Variants in LAMA3 observed in about 807,000 individuals in gnomAD.
LAMA3 encodes laminin subunit alpha-3.
A neutral mutation model predicts 402.0 loss-of-function variants in LAMA3; 281 were observed. The observed-to-expected ratio is 0.70, with a 90% confidence interval of 0.63 to 0.77. The LOEUF (loss-of-function observed/expected upper bound fraction) is 0.77. LAMA3 is among the 30% of genes least tolerant of loss of function. LAMA3 has a pLI of 0.00. For missense variants in LAMA3, 3,840 were observed against 4,215.5 expected (o/e 0.91, Z 2.47); for synonymous variants, 1,431 against 1,558.4 (o/e 0.92, Z 1.93).
chr18:23,846,459 G>T lies in LAMA3; in HGVS notation c.3882G>T (p.Arg1294=), dbSNP rs1184680839. The change falls in exon 31 of 75, where the codon CGG becomes CGT. Residue 1294 remains arginine, a synonymous_variant. Transcript: ENST00000313654. ...CATGCCAGCCCAACGTCATCGGGCG[G>T]CAGTGCACCCGCTGTGCAACAGGCC... ...QCPCQPNVIG[R]QCTRCATGHY... The T allele has an allele frequency of 6.2e-7, 1 of 1,613,098 alleles. No homozygotes were observed.
intron 2 of LAMA3, among the ~76,000 whole-genome samples, chr18:23,724,051 TC>T (rs1211144588): frequency 3.9e-5 from 6 of 152,074 alleles, no homozygotes; most frequent in Non-Finnish European, 1.5e-5. Flanking sequence ...TTAACCCAAG[TC>T]CCCAAAGTCC....
intron 43 of LAMA3, 55 bp from the exon 44 acceptor site, chr18:23,894,852 C>T (rs376296513): frequency 2.7e-4 from 438 of 1,611,550 alleles, no homozygotes; most frequent in East Asian, 2.5e-3. Context: ...GTGGTCTTTT[C>T]GCAGTCCCAC....
At chr18:23,948,059 T>G (rs965234564) in intron 70 of LAMA3, among the ~76,000 whole-genome samples, 13 of 152,194 alleles carry the variant, frequency 8.5e-5, no homozygotes, top group East Asian at 1.9e-4. Flanking sequence ...TGATCTGCCC[T>G]CCTCGGCCTC....
intron 12 of LAMA3, among the ~76,000 whole-genome samples, chr18:23,801,639 C>T (rs554457339): frequency 1.3e-5 from 2 of 152,228 alleles, no homozygotes; most frequent in East Asian, 1.9e-4. Flanking sequence ...CCATAATCGC[C>T]GTACCAATTT....
At chr18:23,749,621 G>A (rs113333611) in intron 4 of LAMA3, 75 bp downstream of exon 4, 101 of 912,020 alleles carry the variant, frequency 1.1e-4, no homozygotes, top group African/African-American at 4.7e-4. Flanking sequence ...TCATAATTGC[G>A]AAACTTGCAC....
In LAMA3 at chr18:23,861,814, A is replaced by T; in HGVS notation, c.4584+7A>T. On this transcript the variant is annotated splice_region_variant and intron_variant, in intron 35 of 74. Coordinates refer to ENST00000313654, the MANE Select transcript of LAMA3 (RefSeq NM_198129.4). Reference sequence around the variant, plus strand: ...CTCCTACCTGGGGGACAAGGTAATGATGTCCTGCTGTTCTTCTGGGCCCTC... The same window carrying T: ...CTCCTACCTGGGGGACAAGGTAATGTTGTCCTGCTGTTCTTCTGGGCCCTC... The T allele has an allele frequency of 1.7e-5, 28 of 1,610,794 alleles. No homozygotes were observed. The highest frequency in any genetic ancestry group is 2.3e-5 in the Non-Finnish European group (27 of 1,178,322).
chr18:23,935,432 C>T (rs1342540348), intron 67 of LAMA3, among the ~76,000 whole-genome samples: 3 of 152,168 alleles, frequency 2.0e-5, no homozygotes, highest in Non-Finnish European at 4.4e-5. Context: ...AAAACGTCAG[C>T]GAATACACTT....
chr18:23,704,139 A>G lies in LAMA3; in HGVS notation c.295-9781A>G, dbSNP rs1417177856. On this transcript the variant is annotated intron_variant, in intron 1 of 74. Transcript: ENST00000313654. ...GGCTGTTGATGGATGAACGTTGGTT[A>G]AATGCTTATCTTGCCGGGCTTTTTG... Among the ~76,000 whole-genome samples the G allele has an allele frequency of 2.0e-5, 3 of 152,224 alleles. No individual in the cohort carries two copies. The East Asian group carries it at 5.8e-4, about 29-fold the overall frequency.
In LAMA3 at chr18:23,943,952, A is replaced by G. The variant is rs886447778; in HGVS notation, c.9191A>G (p.Asn3064Ser). Residue 3064 changes from asparagine (N) to serine (S), a missense_variant, in exon 69 of 75, where the codon AAT becomes AGT. By Grantham distance (46) the Asn-to-Ser change is conservative. This residue lies in a region of LAMA3 where 840 missense variants were observed against 981.9 expected (regional missense o/e 0.86). Coordinates refer to ENST00000313654, the MANE Select transcript of LAMA3 (RefSeq NM_198129.4). ...AGGATCAAAAGCAAGGAGAAATGCA[A>G]TGATGGGAAATGGCACACGGTAAGA... Reference protein sequence around the residue: ...KLRIKSKEKCNDGKWHTVVFG... With the variant: ...KLRIKSKEKCSDGKWHTVVFG... 5.6e-6 allele frequency: 9 copies of G among 1,613,966 alleles called. No homozygotes were observed. Among genetic ancestry groups the G allele is most frequent in the Admixed American group, 1.7e-5 (1 of 60,000 alleles).
chr18:23,830,332 A>G (rs1255218571), intron 23 of LAMA3, among the ~76,000 whole-genome samples: 1 of 152,102 alleles, frequency 6.6e-6, no homozygotes, highest in African/African-American at 2.4e-5. Flanking sequence ...CAGCTCAGCC[A>G]CTACACCATA....
chr18:23,898,905 T>G, intron 45 of LAMA3, 49 bp from the exon 46 acceptor site: 1 of 1,583,438 alleles, frequency 6.3e-7, no homozygotes, highest in Non-Finnish European at 8.7e-7. Context: ...GTATTTTTAT[T>G]TTTCCTTATT....
chr18:23,759,159 T>C (rs2061916641), intron 7 of LAMA3, among the ~76,000 whole-genome samples: 1 of 151,184 alleles, frequency 6.6e-6, no homozygotes, highest in South Asian at 2.1e-4. Flanking sequence ...GGCAACATAG[T>C]GAGACTCTGT....
At chr18:23,840,452 G>A (rs895869556) in intron 27 of LAMA3, among the ~76,000 whole-genome samples, 6 of 142,364 alleles carry the variant, frequency 4.2e-5, no homozygotes, top group African/African-American at 1.3e-4. Context: ...GCATGATCAT[G>A]GCTTACTGCA....
intron 27 of LAMA3, among the ~76,000 whole-genome samples, chr18:23,841,936 G>T (rs2063711130): frequency 6.6e-6 from 1 of 151,984 alleles, no homozygotes; most frequent in Non-Finnish European, 1.5e-5. Flanking sequence ...AAAAAAAATG[G>T]AGTCAGACTC....
Position 23,819,920 on chromosome 18 carries a change from G to C in LAMA3, c.2227G>C (p.Asp743His), listed in dbSNP as rs748226784. 18 of 1,614,094 alleles carry C rather than the reference G, an allele frequency of 1.1e-5. No homozygotes were observed. Among genetic ancestry groups the C allele is most frequent in the Admixed American group, 1.7e-5 (1 of 60,026 alleles). ...IEDGSTPNGR[D>H]LRFGFDPLAF... ...AGACGGCAGCACACCTAATGGGAGA[G>C]ACCTTCGATTTGGATTTGATCCGCT... is the stretch of plus-strand genomic sequence containing the variant. Residue 743 changes from aspartate to histidine, a missense_variant, in exon 19 of 75, where the codon GAC becomes CAC. By Grantham distance (81) the Asp-to-His change is moderately conservative. This residue lies in a region of LAMA3 where 2,109 missense variants were observed against 2,376.0 expected (regional missense o/e 0.89). Coordinates refer to ENST00000313654, the MANE Select transcript of LAMA3 (RefSeq NM_198129.4).
Position 23,931,061 on chromosome 18 carries a change from G to C in LAMA3, c.8437-1G>C, listed in dbSNP as rs1370909821. The C allele has an allele frequency of 6.2e-7, 1 of 1,613,266 alleles. No homozygotes were observed. Among genetic ancestry groups the C allele is most frequent in the Admixed American group, 1.7e-5 (1 of 60,026 alleles). Reference sequence around the variant, plus strand: ...ATGGGTATTTTCTATGGTGATTTCAGACAAGGAACCTGCAGGTCACTCTGG... The same window carrying C: ...ATGGGTATTTTCTATGGTGATTTCACACAAGGAACCTGCAGGTCACTCTGG... On this transcript the variant is annotated splice_acceptor_variant, in intron 64 of 74. Coordinates refer to ENST00000313654, the MANE Select transcript of LAMA3 (RefSeq NM_198129.4). LOFTEE classifies it high-confidence loss of function.
At chr18:23,949,531 T>TTCGA (rs921216096) in intron 70 of LAMA3, among the ~76,000 whole-genome samples, 2 of 152,274 alleles carry the variant, frequency 1.3e-5, no homozygotes, top group African/African-American at 4.8e-5. Context: ...ACCTGCAATC[T>TTCGA]TCGACCACCC....
Position 23,882,015 on chromosome 18 carries a change from G to C in LAMA3, c.5192G>C (p.Cys1731Ser), listed in dbSNP as rs868381372. The change falls in exon 40 of 75, where the codon TGC (cysteine) becomes TCC (serine). Residue 1731 changes from cysteine to serine, a missense_variant. Around this residue, in one of 3 missense-constraint regions of LAMA3, gnomAD observed 2,109 missense variants for 2,376.0 expected, o/e 0.89. Transcript: ENST00000313654. The part of the protein sequence containing the change: ...GYYGNAVHGS[C>S]RACPCPHTNS... ...TATGGCAACGCCGTCCACGGATCCTGCAGGGCCTGCCCATGTCCTCACACT... is the reference window on the plus strand; with the variant it reads ...TATGGCAACGCCGTCCACGGATCCTCCAGGGCCTGCCCATGTCCTCACACT... The C allele has an allele frequency of 6.2e-7, 1 of 1,613,594 alleles. No individual in the cohort carries two copies. Among genetic ancestry groups the C allele is most frequent in the Non-Finnish European group, 8.5e-7 (1 of 1,179,700 alleles).
In LAMA3 at chr18:23,840,942, G is replaced by A. The variant is rs145351428; in HGVS notation, c.3336+1013G>A. Among the ~76,000 whole-genome samples, 527 of 152,224 alleles carry A rather than the reference G, an allele frequency of 3.5e-3. 3 individuals are homozygous for A. Among genetic ancestry groups the A allele is most frequent in the Non-Finnish European group, 2.9e-3 (197 of 68,010 alleles). On this transcript the variant is annotated intron_variant, in intron 27 of 74. Coordinates refer to ENST00000313654, the MANE Select transcript of LAMA3 (RefSeq NM_198129.4). ...GTTCCAGTGAGAATTTCCTTTGAACGTTATATCAGTGCTCAAAAAGTTTCA... is the reference window on the plus strand; with the variant it reads ...GTTCCAGTGAGAATTTCCTTTGAACATTATATCAGTGCTCAAAAAGTTTCA...
Sources: gnomAD v4.1 joint callset for allele counts (sites outside exome capture counted in the v4.1 genomes callset) on GRCh38, gnomAD v4.1.1 for gene constraint, gnomAD v4.1.1 regional missense constraint, MANE v1.5 for transcripts, NCBI Gene and HGNC (gene_info 2026-07-23, HGNC 2026-07-21) for gene names.